CTNNBL1: variants seen among roughly 807,000 people sequenced by gnomAD.
CTNNBL1 encodes catenin beta like 1.
Under a neutral mutation model 72.7 loss-of-function variants are expected in CTNNBL1, and 31 were observed. The observed-to-expected ratio is 0.43, with a 90% CI of 0.32 to 0.58. The LOEUF is 0.58. Among genes scored for constraint, CTNNBL1 ranks in the 20% least tolerant of loss-of-function variants. The pLI, the probability that CTNNBL1 is intolerant of heterozygous loss-of-function variation, is 0.08. For synonymous variants in CTNNBL1, 240 were observed against 267.3 expected (o/e 0.90, Z 1.00); for missense variants, 534 against 725.1 (o/e 0.74, Z 3.03).
intron 15 of CTNNBL1, among the ~76,000 whole-genome samples, chr20:37,862,980 A>G (rs1030973025): frequency 6.6e-6 from 1 of 152,224 alleles, no homozygotes; most frequent in South Asian, 2.1e-4. Flanking sequence ...CATACATTAG[A>G]ATATAAGCTC....
At chr20:37,705,947 G>T (rs2072881454) in intron 1 of CTNNBL1, among the ~76,000 whole-genome samples, 1 of 152,160 alleles carries the variant, frequency 6.6e-6, no homozygotes, top group African/African-American at 2.4e-5. Context: ...TTAAGGGTTT[G>T]GTTCCAAACC....
intron 11 of CTNNBL1, among the ~76,000 whole-genome samples, chr20:37,808,104 C>T (rs2071975691): frequency 6.6e-6 from 1 of 152,180 alleles, no homozygotes; most frequent in Non-Finnish European, 1.5e-5. Flanking sequence ...CACCGAGCAG[C>T]ATGTAGGTGT....
At chr20:37,799,784 T>G (rs2073808587) in intron 10 of CTNNBL1, among the ~76,000 whole-genome samples, 1 of 152,232 alleles carries the variant, frequency 6.6e-6, no homozygotes. Context: ...TGGGCATTTG[T>G]GAATCTTTGT....
At chr20:37,843,749 T>A (rs998284885) in intron 13 of CTNNBL1, among the ~76,000 whole-genome samples, 3 of 152,226 alleles carry the variant, frequency 2.0e-5, no homozygotes, top group African/African-American at 7.2e-5. Flanking sequence ...CCTTGGCTAG[T>A]ATCATTCATG....
intron 3 of CTNNBL1, among the ~76,000 whole-genome samples, chr20:37,743,573 A>G (rs963833961): frequency 1.3e-5 from 2 of 152,238 alleles, no homozygotes; most frequent in Admixed American, 6.5e-5. Flanking sequence ...AGTAACACAC[A>G]TAAAACATAC....
At chr20:37,838,368 T>C (rs1251679130) in intron 11 of CTNNBL1, among the ~76,000 whole-genome samples, 4 of 152,148 alleles carry the variant, frequency 2.6e-5, no homozygotes, top group Admixed American at 6.5e-5. Flanking sequence ...ATGAGGGTAA[T>C]GTAGTAGCAG....
intron 12 of CTNNBL1, among the ~76,000 whole-genome samples, chr20:37,840,864 A>G (rs556984908): frequency 3.8e-4 from 58 of 152,086 alleles, no homozygotes; most frequent in African/African-American, 1.3e-3. Flanking sequence ...GGATCGGGCT[A>G]TGGAAGCTGG....
At chr20:37,752,776 C>T (rs1309789443) in intron 4 of CTNNBL1, among the ~76,000 whole-genome samples, 1 of 152,144 alleles carries the variant, frequency 6.6e-6, no homozygotes, top group Non-Finnish European at 1.5e-5. Context: ...CCTATTATTA[C>T]ACTAACTTAT....
chr20:37,816,745 G>T (rs1197885958), intron 11 of CTNNBL1, among the ~76,000 whole-genome samples: 1 of 151,550 alleles, frequency 6.6e-6, no homozygotes, highest in Non-Finnish European at 1.5e-5. Flanking sequence ...CCTGTTTGCT[G>T]CAGGGTTATC....
intron 10 of CTNNBL1, among the ~76,000 whole-genome samples, chr20:37,782,462 G>T (rs1679825929): frequency 6.6e-6 from 1 of 151,622 alleles, no homozygotes; most frequent in South Asian, 2.1e-4. Flanking sequence ...ACAGTAAAAT[G>T]TACGCATTTT....
At chr20:37,817,744 G>C (rs2072072788) in intron 11 of CTNNBL1, among the ~76,000 whole-genome samples, 1 of 152,228 alleles carries the variant, frequency 6.6e-6, no homozygotes. Context: ...AGGTAACGCT[G>C]AGGCTGCTGC....
intron 11 of CTNNBL1, among the ~76,000 whole-genome samples, chr20:37,807,659 C>T (rs2071971396): frequency 6.6e-6 from 1 of 152,114 alleles, no homozygotes; most frequent in South Asian, 2.1e-4. Flanking sequence ...AATTTAGTTC[C>T]TCTTTTGTGA....
chr20:37,793,893 G>T (rs2073746934), intron 10 of CTNNBL1, among the ~76,000 whole-genome samples: 1 of 151,992 alleles, frequency 6.6e-6, no homozygotes, highest in South Asian at 2.1e-4. Flanking sequence ...CAATTCTCCT[G>T]CCTCAGCCTC....
chr20:37,731,261 G>A (rs1309573821), intron 1 of CTNNBL1, among the ~76,000 whole-genome samples: 3 of 150,374 alleles, frequency 2.0e-5, no homozygotes, highest in African/African-American at 7.3e-5. Flanking sequence ...TTGAGACGGA[G>A]TTTCACTCTT....
chr20:37,707,928 G>GGA (rs35821167), intron 1 of CTNNBL1, among the ~76,000 whole-genome samples: 46,264 of 150,502 alleles, frequency 0.31, 7,116 homozygotes, highest in Admixed American at 0.32. Context: ...GGAGACCTGA[G>GGA]GAGAGAGAGA....
At chr20:37,714,084 AGAAG>A (rs1237841266) in intron 1 of CTNNBL1, among the ~76,000 whole-genome samples, 1 of 152,046 alleles carries the variant, frequency 6.6e-6, no homozygotes, top group Admixed American at 6.5e-5. Context: ...AAAAAAAACA[AGAAG>A]GAAGACCTTC....
At chr20:37,866,773 A>G (rs1427134892) in intron 15 of CTNNBL1, among the ~76,000 whole-genome samples, 2 of 152,222 alleles carry the variant, frequency 1.3e-5, no homozygotes, top group Non-Finnish European at 2.9e-5. Context: ...AAGCCTCCAA[A>G]GTTAAAATGC....
Position 37,813,877 on chromosome 20 carries a change from A to G in CTNNBL1, c.1213+10829A>G, listed in dbSNP as rs6021087. 3.0e-3 allele frequency among the ~76,000 whole-genome samples: 464 copies of G among 152,336 alleles called. 5 individuals carry two copies. The highest frequency in any genetic ancestry group is 0.01 in the African/African-American group (416 of 41,582). On this transcript the variant is annotated intron_variant, in intron 11 of 15. Transcript: ENST00000361383. ...TAACTTAGGAACTAGGCAATAATTA[A>G]CTGTGGGATCTGGTTTATTAAAATT...
At chr20:37,862,683 T>A (rs2072501383) in intron 15 of CTNNBL1, among the ~76,000 whole-genome samples, 1 of 152,026 alleles carries the variant, frequency 6.6e-6, no homozygotes, top group East Asian at 1.9e-4. Context: ...CCCCTCTGTT[T>A]TTCTCCCCCA....
Sources: allele counts gnomAD v4.1 joint callset (sites outside exome capture counted in the v4.1 genomes callset), GRCh38; gene constraint gnomAD v4.1.1; transcripts MANE v1.5; gene names NCBI Gene and HGNC (gene_info 2026-07-23, HGNC 2026-07-21).